AMPH: variants seen among roughly 807,000 people sequenced by gnomAD.
AMPH encodes amphiphysin.
A neutral mutation model predicts 99.1 loss-of-function variants in AMPH; 49 were observed. The ratio of observed to expected loss-of-function variants is 0.49; its 90% CI spans 0.39 to 0.63. AMPH has a LOEUF of 0.63. Among genes scored for constraint, AMPH ranks in the 20% least tolerant of loss-of-function variants. AMPH has a pLI of 0.00. For missense variants in AMPH, 759 were observed against 863.4 expected (o/e 0.88, Z 1.52); for synonymous variants, 314 against 317.3 (o/e 0.99, Z 0.11).
chr7:38,529,869 A>G (rs776675716), intron 2 of AMPH, among the ~76,000 whole-genome samples: 4 of 152,256 alleles, frequency 2.6e-5, no homozygotes, highest in Non-Finnish European at 4.4e-5. Context: ...TCTGAAGGTA[A>G]GTATAATTTA....
chr7:38,598,186 TC>T (rs1793123687), intron 1 of AMPH, among the ~76,000 whole-genome samples: 1 of 152,264 alleles, frequency 6.6e-6, no homozygotes, highest in Non-Finnish European at 1.5e-5. Context: ...AAGGTCAACT[TC>T]CTTTTAGTGA....
chr7:38,579,095 GA>G (rs1199292749), intron 1 of AMPH, among the ~76,000 whole-genome samples: 8 of 152,176 alleles, frequency 5.3e-5, no homozygotes, highest in Non-Finnish European at 1.5e-5. Flanking sequence ...GCTGCCCCAG[GA>G]GTCCCTAGAC....
intron 2 of AMPH, among the ~76,000 whole-genome samples, chr7:38,510,286 C>G (rs947735201): frequency 5.9e-5 from 9 of 152,100 alleles, no homozygotes; most frequent in African/African-American, 2.4e-5. Flanking sequence ...ATGAGGACAC[C>G]AGTCCTGCTG....
At chr7:38,398,824 C>T (rs1284509605) in intron 17 of AMPH, among the ~76,000 whole-genome samples, 1 of 151,958 alleles carries the variant, frequency 6.6e-6, no homozygotes, top group African/African-American at 2.4e-5. Flanking sequence ...CCACCCCCTA[C>T]GTACCCACAA....
chr7:38,574,571 C>T (rs918752594), intron 1 of AMPH, among the ~76,000 whole-genome samples: 1 of 152,086 alleles, frequency 6.6e-6, no homozygotes, highest in Non-Finnish European at 1.5e-5. Context: ...GGAGAGAAAA[C>T]GGGTGGCCTG....
intron 1 of AMPH, among the ~76,000 whole-genome samples, chr7:38,595,423 CAT>C (rs1226544880): frequency 6.6e-6 from 1 of 152,134 alleles, no homozygotes; most frequent in Non-Finnish European, 1.5e-5. Context: ...TAGTCCCTGC[CAT>C]GTTTCTCTCA....
At chr7:38,428,559 TA>T (rs1305308901) in intron 14 of AMPH, 1 of 456,600 alleles carries the variant, frequency 2.2e-6, no homozygotes. Context: ...TTGTGCTGGG[TA>T]AAATATCATA....
In AMPH at chr7:38,451,400, G is replaced by A. The variant is rs60751953; in HGVS notation, c.1017+9883C>T. Among the ~76,000 whole-genome samples, 14 of 133,328 alleles carry A rather than the reference G, an allele frequency of 1.1e-4. No homozygotes were observed. The South Asian group carries it at 2.0e-3, about 19-fold the overall frequency. The allele number at this position is 133,328 out of a possible 152,430, so 87.5% of individuals were successfully genotyped here. On this transcript the variant is annotated intron_variant, in intron 11 of 20. Transcript: ENST00000356264. ...TATACACATGTATATATACATATAC[G>A]TGTGTATATACACACATACATGATT...
chr7:38,607,613 A>G (rs1793479127), intron 1 of AMPH, among the ~76,000 whole-genome samples: 1 of 152,178 alleles, frequency 6.6e-6, no homozygotes, highest in Admixed American at 6.5e-5. Context: ...AAAAGAAACC[A>G]AGAGGCTCTG....
At chr7:38,597,112 C>T (rs1269998032) in intron 1 of AMPH, among the ~76,000 whole-genome samples, 1 of 152,110 alleles carries the variant, frequency 6.6e-6, no homozygotes, top group African/African-American at 2.4e-5. Flanking sequence ...AAAAAGCACA[C>T]ATAGTTCTTG....
At chr7:38,406,956 C>T (rs1378448385) in intron 17 of AMPH, among the ~76,000 whole-genome samples, 1 of 145,784 alleles carries the variant, frequency 6.9e-6, no homozygotes, top group African/African-American at 2.6e-5. Context: ...CTGTCCCCAG[C>T]TTGCAGATGG....
chr7:38,616,206 CA>C (rs1793867506), intron 1 of AMPH, among the ~76,000 whole-genome samples: 1 of 151,988 alleles, frequency 6.6e-6, no homozygotes, highest in Non-Finnish European at 1.5e-5. Flanking sequence ...GATTCAAACA[CA>C]AAATGTGGAC....
chr7:38,461,444 C>G lies in AMPH; in HGVS notation c.889-33G>C, dbSNP rs747389027. On this transcript the variant is annotated intron_variant, in intron 10 of 20. Transcript: ENST00000356264. ...GCATTAAATACAAACATTAATCCAG[C>G]CAAAGACAATGTGTCAGACACGAAG... 6 of 1,613,226 alleles carry G rather than the reference C, an allele frequency of 3.7e-6. No homozygotes were observed. The South Asian group carries it at 6.6e-5, about 18-fold the overall frequency.
chr7:38,478,731 T>C (rs1345249652), intron 5 of AMPH, among the ~76,000 whole-genome samples: 1 of 151,638 alleles, frequency 6.6e-6, no homozygotes, highest in Admixed American at 6.6e-5. Context: ...ACAAAGATAA[T>C]CAGATGGGGA....
chr7:38,464,174 T>C, intron 9 of AMPH: 1 of 1,242,864 alleles, frequency 8.0e-7, no homozygotes, highest in South Asian at 1.3e-5. Flanking sequence ...TCACTGTATC[T>C]CATTTGGCAA....
chr7:38,578,204 G>A (rs1792316565), intron 1 of AMPH, among the ~76,000 whole-genome samples: 1 of 152,102 alleles, frequency 6.6e-6, no homozygotes. Context: ...ACTTATTAAA[G>A]TTGGTTCCAG....
In AMPH at chr7:38,422,764, G is replaced by A. The variant is rs34357670; in HGVS notation, c.1216-287C>T. On this transcript the variant is annotated intron_variant, in intron 15 of 20. Transcript: ENST00000356264. ...CTCCTGAGTAGCTAGAAGTACAGGC[G>A]CACATCACCACGCCTGGCTAATTTT... Among the ~76,000 whole-genome samples the A allele has an allele frequency of 1.1e-4, 17 of 152,046 alleles. No individual in the cohort carries two copies. The South Asian group carries it at 2.7e-3, about 24-fold the overall frequency.
intron 2 of AMPH, among the ~76,000 whole-genome samples, chr7:38,528,688 A>T (rs932617025): frequency 1.3e-5 from 2 of 150,518 alleles, no homozygotes; most frequent in African/African-American, 4.9e-5. Flanking sequence ...CTTTTGTTTC[A>T]TTTTTTTCTC....
intron 2 of AMPH, among the ~76,000 whole-genome samples, chr7:38,528,812 T>A (rs1208844262): frequency 6.6e-6 from 1 of 152,044 alleles, no homozygotes; most frequent in Non-Finnish European, 1.5e-5. Flanking sequence ...GGAAATTAGA[T>A]TATTGATTTA....
Sources: allele counts gnomAD v4.1 joint callset (sites outside exome capture counted in the v4.1 genomes callset), GRCh38; gene constraint gnomAD v4.1.1; transcripts MANE v1.5; gene names NCBI Gene and HGNC (gene_info 2026-07-23, HGNC 2026-07-21).